SEMA5B: variants seen among roughly 807,000 people sequenced by gnomAD.
SEMA5B encodes semaphorin 5B, also known as semaphorin-5B.
A neutral mutation model predicts 135.0 loss-of-function variants in SEMA5B; 66 were observed. The ratio of observed to expected loss-of-function variants is 0.49; its 90% CI spans 0.40 to 0.60. SEMA5B has a LOEUF of 0.60. Among genes scored for constraint, SEMA5B ranks in the 20% least tolerant of loss-of-function variants. The pLI is 0.00. For synonymous variants in SEMA5B, 690 were observed against 639.5 expected, an observed-to-expected ratio of 1.08 and a Z score of -1.19; for missense variants, 1,501 against 1,566.3, an observed-to-expected ratio of 0.96 and a Z score of 0.70.
At chr3:122,975,034 G>A (rs1311946910) in intron 1 of SEMA5B, 4 of 152,368 alleles carry the variant, frequency 2.6e-5, no homozygotes, top group Admixed American at 6.5e-5. Flanking sequence ...GCCTGGAAGT[G>A]TCCTCTGCTC....
intron 1 of SEMA5B, among the ~76,000 whole-genome samples, chr3:122,983,058 G>A (rs1391053017): frequency 1.3e-5 from 2 of 152,168 alleles, no homozygotes; most frequent in African/African-American, 4.8e-5. Context: ...CAGGCAGGGC[G>A]GCTGCGGGAT....
At chr3:122,942,634 T>A (rs1939607997) in intron 4 of SEMA5B, among the ~76,000 whole-genome samples, 1 of 152,184 alleles carries the variant, frequency 6.6e-6, no homozygotes, top group African/African-American at 2.4e-5. Context: ...ACCGCCTGTT[T>A]AAAATAAGGA....
Position 122,913,040 on chromosome 3 carries a change from CG to C in SEMA5B, c.2527del (p.Arg843AlafsTer10). 3 of 1,556,354 alleles carry C rather than the reference CG, an allele frequency of 1.9e-6. No homozygotes were observed. The highest frequency in any genetic ancestry group is 2.6e-6 in the Non-Finnish European group (3 of 1,152,344). On this transcript the variant is annotated frameshift_variant, in exon 18 of 23. Coordinates refer to ENST00000357599, the MANE Select transcript of SEMA5B (RefSeq NM_001031702.4). LOFTEE classifies it high-confidence loss of function. Reference protein sequence around the residue: ...DTDALVEVLLRSGSTSPHTVS... With the variant: ...DTDALVEVLLXSGSTSPHTVS... ...CGTGTGCGGGGAGGTGCTCCCGCTG[CG>C]CAGGAGGACCTCCACCAGGGCTGCG...
chr3:122,975,871 C>G (rs1941300650), intron 1 of SEMA5B: 1 of 1,275,028 alleles, frequency 7.8e-7, no homozygotes, highest in Non-Finnish European at 1.1e-6. Flanking sequence ...ATCCAAACAC[C>G]CTGCATAGCA....
At chr3:122,912,461 G>C in intron 18 of SEMA5B, 119 bp from the exon 19 acceptor site, 1 of 930,688 alleles carries the variant, frequency 1.1e-6, no homozygotes, top group Non-Finnish European at 1.5e-6. Flanking sequence ...ACATCCACCC[G>C]ATCCACCCGC....
At chr3:123,010,634 C>A (rs1369149489) in intron 1 of SEMA5B, among the ~76,000 whole-genome samples, 1 of 151,882 alleles carries the variant, frequency 6.6e-6, no homozygotes, top group African/African-American at 2.4e-5. Context: ...CATGGTGAAA[C>A]CCCATCTCTA....
intron 1 of SEMA5B, among the ~76,000 whole-genome samples, chr3:123,010,400 T>C (rs1009254728): frequency 6.6e-6 from 1 of 152,156 alleles, no homozygotes; most frequent in African/African-American, 2.4e-5. Context: ...AGTGAGATAA[T>C]GTACAGAAGG....
rs569053720 is a variant in SEMA5B at position 122,966,021 on chromosome 3, G to A, written c.-38-4720C>T. Among the ~76,000 whole-genome samples the A allele has an allele frequency of 7.9e-5, 12 of 152,280 alleles. No individual in the cohort carries two copies. In the South Asian group the frequency reaches 8.3e-4, roughly 11 times the overall value. The stretch of plus-strand genomic sequence containing the variant: ...ACAGGTGGCCCAGCGACAACCAGCT[G>A]GAAGGAAGGGACCCTCCAGCAGCTA... On this transcript the variant is annotated intron_variant, in intron 1 of 22. Transcript: ENST00000357599.
chr3:123,012,588 A>G (rs976359494), intron 1 of SEMA5B, among the ~76,000 whole-genome samples: 19 of 152,180 alleles, frequency 1.2e-4, no homozygotes, highest in Non-Finnish European at 2.4e-4. Context: ...CAGTGTGACA[A>G]TCTCTGAACA....
rs1202851389 is a variant in SEMA5B at position 123,018,759 on chromosome 3, T to A, written c.-39+8705A>T. ...ATCTGATTTCCAGTAGAAGTCAGAC[T>A]GCCTATCCCCTGTCATGACTATAGC... On this transcript the variant is annotated intron_variant, in intron 1 of 22. Transcript: ENST00000357599. 2.0e-5 allele frequency among the ~76,000 whole-genome samples: 3 copies of A among 152,230 alleles called. No individual in the cohort carries two copies. The East Asian group carries it at 5.8e-4, about 29-fold the overall frequency.
intron 1 of SEMA5B, among the ~76,000 whole-genome samples, chr3:123,007,171 G>C (rs1942335868): frequency 6.6e-6 from 1 of 152,232 alleles, no homozygotes; most frequent in South Asian, 2.1e-4. Flanking sequence ...CACGGGTCTT[G>C]CTCTTGCCCC....
intron 1 of SEMA5B, among the ~76,000 whole-genome samples, chr3:122,974,551 G>C (rs903508481): frequency 4.2e-4 from 64 of 152,192 alleles, no homozygotes; most frequent in African/African-American, 1.5e-3. Flanking sequence ...AGTGAGGCAG[G>C]GACACGTGCC....
chr3:122,997,285 T>C (rs771819701), intron 1 of SEMA5B, among the ~76,000 whole-genome samples: 20 of 152,120 alleles, frequency 1.3e-4, no homozygotes, highest in Non-Finnish European at 2.2e-4. Context: ...TTCTCATGTC[T>C]TTCTTCACCT....
chr3:122,966,569 T>TTATTATTA (rs1560379029), intron 1 of SEMA5B, among the ~76,000 whole-genome samples: 1 of 130,958 alleles, frequency 7.6e-6, no homozygotes, highest in African/African-American at 3.7e-5. Context: ...TATTATTATT[T>TTATTATTA]TTTGAGACGG....
At chr3:122,928,408 T>G in intron 7 of SEMA5B, 109 bp downstream of exon 7, 1 of 688,970 alleles carries the variant, frequency 1.5e-6, no homozygotes, top group Non-Finnish European at 2.5e-6. Context: ...GTTTCTGTTT[T>G]GGGTGTCTGT....
At chr3:122,931,739 C>G (rs942477372) in intron 5 of SEMA5B, among the ~76,000 whole-genome samples, 1 of 152,196 alleles carries the variant, frequency 6.6e-6, no homozygotes, top group African/African-American at 2.4e-5. Flanking sequence ...TTAAAGGACT[C>G]TGATCTCCAC....
chr3:122,981,262 G>T (rs1042663080), intron 1 of SEMA5B, among the ~76,000 whole-genome samples: 9 of 146,634 alleles, frequency 6.1e-5, no homozygotes, highest in Non-Finnish European at 1.0e-4. Context: ...TCATAATGTG[G>T]GTCCTAGGCC....
chr3:122,936,861 G>A (rs1939313423), intron 5 of SEMA5B, among the ~76,000 whole-genome samples: 1 of 152,234 alleles, frequency 6.6e-6, no homozygotes, highest in African/African-American at 2.4e-5. Flanking sequence ...GGAGGATTGG[G>A]AAGGAGCTGG....
chr3:122,968,759 T>G (rs1940984903), intron 1 of SEMA5B, among the ~76,000 whole-genome samples: 1 of 152,152 alleles, frequency 6.6e-6, no homozygotes. Flanking sequence ...CTTGGTGACC[T>G]CAGCTGGGTT....
Sources: allele counts gnomAD v4.1 joint callset (sites outside exome capture counted in the v4.1 genomes callset), GRCh38; gene constraint gnomAD v4.1.1; transcripts MANE v1.5; gene names NCBI Gene and HGNC (gene_info 2026-07-23, HGNC 2026-07-21).